Variants in ACACA observed in about 807,000 individuals in gnomAD.
ACACA encodes acetyl-CoA carboxylase alpha.
In ACACA, 103 loss-of-function variants were observed where a neutral mutation model predicts 296.1. The ratio of observed to expected loss-of-function variants is 0.35; its 90% CI spans 0.30 to 0.41. The LOEUF (loss-of-function observed/expected upper bound fraction) is 0.41, where lower values mean the gene tolerates loss of function less well. Ranked by LOEUF, ACACA falls within the 10% of genes least tolerant of loss-of-function variation. ACACA has a pLI of 1.00. For missense variants in ACACA, 1,554 were observed against 2,989.7 expected (o/e 0.52, Z 11.20); for synonymous variants, 953 against 1,038.6 (o/e 0.92, Z 1.58).
rs1275011797 is a variant in ACACA at position 37,133,256 on chromosome 17, T to A, written c.5680-3038A>T. Among the ~76,000 whole-genome samples, 3 of 152,196 alleles carry A rather than the reference T, an allele frequency of 2.0e-5. No individual in the cohort carries two copies. The East Asian group carries it at 5.8e-4, about 29-fold the overall frequency. ...AACAAATGCTAACAATCATAACTAC[T>A]TAACAATCGGTGAAGAGAAAGCAGT... On this transcript the variant is annotated intron_variant, in intron 45 of 55. Transcript: ENST00000616317.
At chr17:37,347,438 C>T (rs956582446) in intron 1 of ACACA, among the ~76,000 whole-genome samples, 2 of 152,070 alleles carry the variant, frequency 1.3e-5, no homozygotes, top group African/African-American at 4.8e-5. Flanking sequence ...TGGGACTACG[C>T]ACACACTACC....
chr17:37,331,404 G>A (rs904312579), intron 2 of ACACA, among the ~76,000 whole-genome samples: 2 of 144,210 alleles, frequency 1.4e-5, no homozygotes, highest in East Asian at 4.2e-4. Flanking sequence ...CACCGCACCC[G>A]GCCTATTTTT....
intron 2 of ACACA, among the ~76,000 whole-genome samples, chr17:37,332,229 A>AAAAG (rs991518546): frequency 6.6e-6 from 1 of 151,820 alleles, no homozygotes; most frequent in Non-Finnish European, 1.5e-5. Flanking sequence ...TTAAAAAAAA[A>AAAAG]AAAGAAAGAA....
At chr17:37,217,751 A>AAC (rs1567830899) in intron 29 of ACACA, among the ~76,000 whole-genome samples, 2 of 142,636 alleles carry the variant, frequency 1.4e-5, no homozygotes, top group African/African-American at 2.7e-5. Flanking sequence ...AAAAAAAAAA[A>AAC]AAAAAAAAAA....
intron 10 of ACACA, among the ~76,000 whole-genome samples, chr17:37,269,658 A>T (rs1177969062): frequency 2.6e-5 from 4 of 151,674 alleles, no homozygotes; most frequent in Non-Finnish European, 5.9e-5. Context: ...TGAAATTTTA[A>T]GTTGGGGACC....
intron 1 of ACACA, among the ~76,000 whole-genome samples, chr17:37,403,617 A>C (rs536391087): frequency 1.3e-5 from 2 of 151,992 alleles, no homozygotes; most frequent in Non-Finnish European, 2.9e-5. Context: ...AACTCAAGTG[A>C]TCTGCCTACC....
At chr17:37,390,303 A>ATTTT (rs1167945419) in intron 1 of ACACA, among the ~76,000 whole-genome samples, 1 of 19,948 alleles carries the variant, frequency 5.0e-5, no homozygotes, top group Admixed American at 1.1e-3. Flanking sequence ...ATTATACATA[A>ATTTT]TTATATATAT....
intron 5 of ACACA, among the ~76,000 whole-genome samples, chr17:37,282,436 C>A (rs1471275844): frequency 6.6e-6 from 1 of 152,122 alleles, no homozygotes; most frequent in African/African-American, 2.4e-5. Flanking sequence ...TATAGCAATG[C>A]AAGAATGATC....
intron 17 of ACACA, 100 bp downstream of exon 17, chr17:37,248,493 C>G: frequency 1.1e-6 from 1 of 891,610 alleles, no homozygotes; most frequent in South Asian, 1.3e-5. Context: ...TTCACTAATA[C>G]CCCCATCCCT....
intron 7 of ACACA, 64 bp downstream of exon 7, chr17:37,276,969 G>T: frequency 7.0e-7 from 1 of 1,438,730 alleles, no homozygotes; most frequent in Admixed American, 1.7e-5. Context: ...AGACTATAGA[G>T]TAAAATGTGG....
Position 37,161,917 on chromosome 17 carries a change from C to T in ACACA, c.5213G>A (p.Arg1738Lys). Residue 1738 changes from arginine (R) to lysine (K), a missense_variant, in exon 42 of 56, where the codon AGA becomes AAA. Coordinates refer to ENST00000616317, the MANE Select transcript of ACACA (RefSeq NM_198834.3). ...TTCTGCCCTAGCAAGTTCGGAAGCT[C>T]TGAGAAATAACAAATCCTCTTGAGG... ...FGPQEDLLFL[R>K]ASELARAEGI... The T allele has an allele frequency of 6.2e-7, 1 of 1,614,194 alleles. No individual in the cohort carries two copies. The highest frequency in any genetic ancestry group is 8.5e-7 in the Non-Finnish European group (1 of 1,180,026).
intron 35 of ACACA, among the ~76,000 whole-genome samples, chr17:37,193,964 A>G (rs1481519454): frequency 2.0e-5 from 3 of 152,304 alleles, no homozygotes; most frequent in Middle Eastern, 6.8e-3. Context: ...CACTACCACT[A>G]TATGTATAGG....
At chr17:37,156,998 GAATTA>G (rs972809937) in intron 42 of ACACA, among the ~76,000 whole-genome samples, 2 of 152,056 alleles carry the variant, frequency 1.3e-5, no homozygotes, top group African/African-American at 4.8e-5. Context: ...GGAAAAACAG[GAATTA>G]ACAAAAATAG....
At chr17:37,099,512 A>G (rs1043443897) in intron 52 of ACACA, among the ~76,000 whole-genome samples, 1,497 of 44,072 alleles carry the variant, frequency 0.034, 9 homozygotes, top group Admixed American at 0.04. Flanking sequence ...GAGGGCTGAT[A>G]GCAGGAGGGC....
chr17:37,271,494 A>G (rs1265634902), intron 9 of ACACA, among the ~76,000 whole-genome samples: 1 of 152,136 alleles, frequency 6.6e-6, no homozygotes, highest in Non-Finnish European at 1.5e-5. Flanking sequence ...CAGCCTGGGC[A>G]ACAAGAGCGA....
At chr17:37,377,412 A>T (rs971329463) in intron 1 of ACACA, among the ~76,000 whole-genome samples, 1 of 152,008 alleles carries the variant, frequency 6.6e-6, no homozygotes, top group African/African-American at 2.4e-5. Context: ...TCATCCTAGC[A>T]CTTTTGGGAG....
intron 29 of ACACA, among the ~76,000 whole-genome samples, chr17:37,217,757 AAAAAAAAC>A (rs1369939460): frequency 0.015 from 1,783 of 115,656 alleles, 90 homozygotes; most frequent in African/African-American, 0.057. Context: ...AAAAAAAAAA[AAAAAAAAC>A]AACCTGTTTT....
intron 1 of ACACA, chr17:37,389,339 A>C: frequency 6.3e-7 from 1 of 1,590,892 alleles, no homozygotes; most frequent in African/African-American, 1.3e-5. Context: ...AGCTGAATCC[A>C]AGCCTGACTC....
rs377724890 is a variant in ACACA, at chr17:37,103,767, T to C, written c.6566-5783A>G. Among the ~76,000 whole-genome samples the C allele has an allele frequency of 1.2e-4, 19 of 152,058 alleles. No homozygotes were observed. The East Asian group carries it at 2.7e-3, about 22-fold the overall frequency. ...CACACACACAAAATGCCAAGTGTGG[T>C]AGCTCACACCTGTAATCTCAGAACT... is the stretch of plus-strand genomic sequence containing the variant. On this transcript the variant is annotated intron_variant, in intron 52 of 55. Transcript: ENST00000616317.
Sources: allele counts gnomAD v4.1 joint callset (sites outside exome capture counted in the v4.1 genomes callset), GRCh38; gene constraint gnomAD v4.1.1; transcripts MANE v1.5; gene names NCBI Gene and HGNC (gene_info 2026-07-23, HGNC 2026-07-21).